BMAL1: variants seen among roughly 807,000 people sequenced by gnomAD.
BMAL1 encodes the protein basic helix-loop-helix ARNT-like protein 1.
chr11:13,370,606 T>C, the BMAL1 span, among the ~76,000 whole-genome samples: 7 of 152,284 alleles, frequency 4.6e-5, no homozygotes, highest in Admixed American at 2.0e-4. Flanking sequence ...ATGAGTCCCA[T>C]CTGCAAAAGT....
At chr11:13,347,554 A>G in the BMAL1 span, among the ~76,000 whole-genome samples, 1 of 151,874 alleles carries the variant, frequency 6.6e-6, no homozygotes, top group Non-Finnish European at 1.5e-5. Flanking sequence ...TCTAAATTTC[A>G]GGGAAGTCAG....
chr11:13,348,462 A>G, the BMAL1 span, among the ~76,000 whole-genome samples: 2 of 151,990 alleles, frequency 1.3e-5, no homozygotes, highest in African/African-American at 4.8e-5. Flanking sequence ...GAACAGAGGC[A>G]GTGACAAGGA....
At chr11:13,385,058 G>C in the BMAL1 span, among the ~76,000 whole-genome samples, 1 of 152,084 alleles carries the variant, frequency 6.6e-6, no homozygotes, top group African/African-American at 2.4e-5. Context: ...GTTTCCTCAC[G>C]TATATCCAGA....
At chr11:13,369,700 G>A in the BMAL1 span, 1 of 1,614,188 alleles carries the variant, frequency 6.2e-7, no homozygotes, top group Non-Finnish European at 8.5e-7. Context: ...TCTGTAGGAT[G>A]AAGTGTAACA....
the BMAL1 span, among the ~76,000 whole-genome samples, chr11:13,289,195 G>A: frequency 2.6e-5 from 4 of 152,190 alleles, no homozygotes; most frequent in African/African-American, 9.7e-5. Context: ...CTGTAAAGTT[G>A]CTTTCTGGCT....
chr11:13,356,792 G>C, the BMAL1 span: 2 of 1,614,106 alleles, frequency 1.2e-6, no homozygotes, highest in Non-Finnish European at 1.7e-6. Context: ...CATGAACCTA[G>C]TAATTTGAAC....
the BMAL1 span, chr11:13,376,526 C>A: frequency 1.0e-6 from 1 of 961,426 alleles, no homozygotes; most frequent in African/African-American, 1.6e-5. Context: ...ACAGACACTT[C>A]ATTTTCTGGC....
the BMAL1 span, among the ~76,000 whole-genome samples, chr11:13,363,127 C>CACATATATATAT: frequency 1.8e-5 from 2 of 109,876 alleles, no homozygotes; most frequent in Non-Finnish European, 3.7e-5. Context: ...GTCTTTATTT[C>CACATATATATAT]ATATATATAT....
chr11:13,374,946 C>T, the BMAL1 span, among the ~76,000 whole-genome samples: 11 of 152,352 alleles, frequency 7.2e-5, no homozygotes, highest in Admixed American at 5.9e-4. Flanking sequence ...GGCCTGTGCT[C>T]CAGGCACACT....
chr11:13,290,480 G>T, the BMAL1 span, among the ~76,000 whole-genome samples: 2 of 152,122 alleles, frequency 1.3e-5, no homozygotes, highest in African/African-American at 2.4e-5. Context: ...GAGCCAGCAT[G>T]CTGTCCAGGT....
At chr11:13,320,062 C>T in the BMAL1 span, among the ~76,000 whole-genome samples, 1 of 152,218 alleles carries the variant, frequency 6.6e-6, no homozygotes, top group Non-Finnish European at 1.5e-5. Flanking sequence ...CATTTAGGCT[C>T]ATGTTTACGA....
the BMAL1 span, among the ~76,000 whole-genome samples, chr11:13,319,777 AG>A: frequency 6.6e-6 from 1 of 152,224 alleles, no homozygotes; most frequent in Non-Finnish European, 1.5e-5. Flanking sequence ...CAGCTCTGCC[AG>A]GCTGGCTTGT....
At chr11:13,350,431 CAG>C in the BMAL1 span, among the ~76,000 whole-genome samples, 63 of 152,222 alleles carry the variant, frequency 4.1e-4, no homozygotes, top group African/African-American at 1.4e-3. Flanking sequence ...AAGGATAAAT[CAG>C]AGAGAATAGC....
At chr11:13,374,565 C>T in the BMAL1 span, among the ~76,000 whole-genome samples, 1 of 152,202 alleles carries the variant, frequency 6.6e-6, no homozygotes, top group South Asian at 2.1e-4. Context: ...GTGCAGGCTC[C>T]TGAGAGAGAC....
the BMAL1 span, among the ~76,000 whole-genome samples, chr11:13,303,544 A>G: frequency 6.6e-6 from 1 of 152,204 alleles, no homozygotes; most frequent in African/African-American, 2.4e-5. Context: ...GTAGCAACAC[A>G]ACAAAACTGC....
chr11:13,331,173 C>T, the BMAL1 span, among the ~76,000 whole-genome samples: 6 of 152,154 alleles, frequency 3.9e-5, no homozygotes, highest in Admixed American at 2.6e-4. Flanking sequence ...GACACAGGCA[C>T]GAAGATGGCC....
chr11:13,298,541 C>A, the BMAL1 span, among the ~76,000 whole-genome samples: 1 of 151,812 alleles, frequency 6.6e-6, no homozygotes, highest in African/African-American at 2.4e-5. Context: ...TTATTTATTT[C>A]TCAACAGAAC....
chr11:13,288,582 G>T, the BMAL1 span, among the ~76,000 whole-genome samples: 2 of 151,782 alleles, frequency 1.3e-5, no homozygotes, highest in African/African-American at 4.8e-5. Flanking sequence ...GTCAGAGACT[G>T]CTAGGCAATG....
the BMAL1 span, among the ~76,000 whole-genome samples, chr11:13,377,114 C>G: frequency 1.3e-5 from 2 of 152,164 alleles, no homozygotes; most frequent in Non-Finnish European, 2.9e-5. Flanking sequence ...TGTACCATAC[C>G]CACTGGGCTC....
Sources: gnomAD v4.1 joint callset for allele counts (sites outside exome capture counted in the v4.1 genomes callset) on GRCh38, gnomAD v4.1.1 for gene constraint, MANE v1.5 for transcripts, NCBI Gene and HGNC (gene_info 2026-07-23, HGNC 2026-07-21) for gene names.